The following PLXNA2 variants were observed in gnomAD, a reference collection of about 807,000 sequenced individuals.
PLXNA2 encodes the protein plexin-A2.
PLXNA2 carries 91 observed loss-of-function variants against 193.5 expected under a neutral mutation model. The observed-to-expected ratio is 0.47, with a 90% confidence interval of 0.40 to 0.56. The LOEUF (loss-of-function observed/expected upper bound fraction) is 0.56. Ranked by LOEUF, PLXNA2 falls within the 20% of genes least tolerant of loss-of-function variation. The pLI is 0.00. For missense variants in PLXNA2, 1,995 were observed against 2,503.2 expected (o/e 0.80, Z 4.33); for synonymous variants, 997 against 1,027.3 (o/e 0.97, Z 0.56).
chr1:208,136,498 G>A (rs563705198), intron 4 of PLXNA2, among the ~76,000 whole-genome samples: 87 of 152,276 alleles, frequency 5.7e-4, no homozygotes, highest in African/African-American at 1.9e-3. Flanking sequence ...TTTCTGGCCC[G>A]GTGTCCATGC....
intron 12 of PLXNA2, among the ~76,000 whole-genome samples, chr1:208,068,532 C>T (rs1438915086): frequency 1.3e-5 from 2 of 152,202 alleles, no homozygotes; most frequent in African/African-American, 4.8e-5. Flanking sequence ...GGTTTCTAAA[C>T]CCTTTGATCA....
Position 208,060,673 on chromosome 1 carries a change from A to G in PLXNA2, c.2738+13T>C. 6.2e-7 allele frequency: 1 copy of G among 1,605,806 alleles called. No homozygotes were observed. The highest frequency in any genetic ancestry group is 8.5e-7 in the Non-Finnish European group (1 of 1,174,882). The stretch of plus-strand genomic sequence containing the variant: ...AGCTCCCATGGGAAAAGGGCTGGCC[A>G]GGGCGGACTCACTGCTCAGCGATGA... On this transcript the variant is annotated intron_variant, in intron 13 of 31. Transcript: ENST00000367033.
intron 1 of PLXNA2, among the ~76,000 whole-genome samples, chr1:208,225,671 T>C (rs1189961534): frequency 3.9e-5 from 6 of 152,122 alleles, no homozygotes; most frequent in African/African-American, 1.4e-4. Flanking sequence ...GGGTAGGCTC[T>C]AATGCGGTGT....
At chr1:208,182,601 G>A (rs2102549526) in intron 3 of PLXNA2, among the ~76,000 whole-genome samples, 1 of 152,164 alleles carries the variant, frequency 6.6e-6, no homozygotes, top group African/African-American at 2.4e-5. Flanking sequence ...AGGGCCTTAT[G>A]AGGCCGTCTC....
intron 11 of PLXNA2, among the ~76,000 whole-genome samples, chr1:208,081,486 AG>A (rs923900610): frequency 6.6e-6 from 1 of 152,134 alleles, no homozygotes; most frequent in Non-Finnish European, 1.5e-5. Context: ...AATATATTCC[AG>A]GGGGGAAGGA....
intron 3 of PLXNA2, among the ~76,000 whole-genome samples, chr1:208,171,945 T>C (rs1275793815): frequency 2.0e-5 from 3 of 150,826 alleles, no homozygotes; most frequent in African/African-American, 7.3e-5. Flanking sequence ...ATATGATGCA[T>C]AGTGCCTGGG....
intron 14 of PLXNA2, among the ~76,000 whole-genome samples, chr1:208,052,671 G>A (rs759907197): frequency 6.6e-6 from 1 of 152,154 alleles, no homozygotes; most frequent in African/African-American, 2.4e-5. Flanking sequence ...GAAGGCAGAA[G>A]AGTCATGTGG....
At chr1:208,231,505 C>T (rs1039014825) in intron 1 of PLXNA2, among the ~76,000 whole-genome samples, 2 of 152,140 alleles carry the variant, frequency 1.3e-5, no homozygotes, top group Non-Finnish European at 2.9e-5. Context: ...CACACGCCTG[C>T]GAAGGTGTGA....
chr1:208,188,337 T>C (rs564992321), intron 3 of PLXNA2, among the ~76,000 whole-genome samples: 33 of 152,284 alleles, frequency 2.2e-4, no homozygotes, highest in African/African-American at 7.9e-4. Flanking sequence ...GCTGTGAACT[T>C]TGAGCCACAA....
intron 13 of PLXNA2, among the ~76,000 whole-genome samples, chr1:208,057,503 C>A (rs962520127): frequency 6.6e-6 from 1 of 152,178 alleles, no homozygotes; most frequent in African/African-American, 2.4e-5. Context: ...TGAGAGCTAA[C>A]CACTTGTCCC....
intron 4 of PLXNA2, among the ~76,000 whole-genome samples, chr1:208,132,655 GT>G (rs1271893874): frequency 6.6e-6 from 1 of 152,176 alleles, no homozygotes; most frequent in Non-Finnish European, 1.5e-5. Context: ...GCAAGGCAGG[GT>G]GGTTAAGCTT....
At chr1:208,106,468 G>A (rs1443841998) in intron 4 of PLXNA2, among the ~76,000 whole-genome samples, 1 of 152,184 alleles carries the variant, frequency 6.6e-6, no homozygotes, top group East Asian at 1.9e-4. Context: ...TATTCAAAGA[G>A]GGCTGAGGGA....
chr1:208,079,639 C>G (rs1666271136), intron 11 of PLXNA2, among the ~76,000 whole-genome samples, 189 bp from the exon 12 acceptor site: 1 of 152,130 alleles, frequency 6.6e-6, no homozygotes, highest in Non-Finnish European at 1.5e-5. Flanking sequence ...CTTAAGGGCA[C>G]TAGGAAGAAT....
intron 3 of PLXNA2, among the ~76,000 whole-genome samples, chr1:208,203,187 G>A (rs1670605892): frequency 1.3e-5 from 2 of 152,206 alleles, no homozygotes; most frequent in Admixed American, 6.5e-5. Flanking sequence ...CAGTTCTGGG[G>A]ACCCAAGAGG....
intron 21 of PLXNA2, 99 bp from the exon 22 acceptor site, chr1:208,042,465 G>A (rs1272669464): frequency 1.8e-5 from 24 of 1,329,044 alleles, no homozygotes; most frequent in Non-Finnish European, 6.3e-6. Context: ...GACACTAGCT[G>A]TAGGACCCTA....
intron 3 of PLXNA2, among the ~76,000 whole-genome samples, chr1:208,160,208 G>A (rs988659029): frequency 8.3e-6 from 1 of 120,982 alleles, no homozygotes; most frequent in Non-Finnish European, 1.9e-5. Flanking sequence ...CCCTTCATTA[G>A]TACAACCCCC....
intron 5 of PLXNA2, 148 bp from the exon 6 acceptor site, chr1:208,099,117 G>A (rs1667011522): frequency 4.2e-6 from 4 of 949,722 alleles, no homozygotes; most frequent in Non-Finnish European, 6.2e-6. Flanking sequence ...GGAGGGCCTT[G>A]GTGACTCTCA....
At chr1:208,118,804 A>T (rs1167462966) in intron 4 of PLXNA2, among the ~76,000 whole-genome samples, 1 of 152,030 alleles carries the variant, frequency 6.6e-6, no homozygotes, top group South Asian at 2.1e-4. Flanking sequence ...AATAATCACC[A>T]AGTTGTCTGA....
intron 2 of PLXNA2, 23 bp downstream of exon 2, chr1:208,216,712 G>A (rs1558249546): frequency 1.3e-6 from 2 of 1,596,784 alleles, no homozygotes; most frequent in Non-Finnish European, 1.7e-6. Flanking sequence ...AGCAGGAGCA[G>A]AGCGAGGTGT....
Sources: gnomAD v4.1 joint callset for allele counts (sites outside exome capture counted in the v4.1 genomes callset) on GRCh38, gnomAD v4.1.1 for gene constraint, MANE v1.5 for transcripts, NCBI Gene and HGNC (gene_info 2026-07-23, HGNC 2026-07-21) for gene names.